The following SH3RF3 variants were observed in gnomAD, a reference collection of about 807,000 sequenced individuals.
SH3RF3 encodes E3 ubiquitin-protein ligase SH3RF3.
A neutral mutation model predicts 66.3 loss-of-function variants in SH3RF3; 29 were observed. That is an observed-to-expected ratio of 0.44 (90% CI 0.33 to 0.60). The LOEUF is 0.60. SH3RF3 is among the 20% of genes least tolerant of loss of function. The pLI is 0.04. For missense variants in SH3RF3, 1,194 were observed against 1,190.9 expected, an observed-to-expected ratio of 1.00 and a Z score of -0.04; for synonymous variants, 583 against 532.0, an observed-to-expected ratio of 1.10 and a Z score of -1.32.
intron 5 of SH3RF3, among the ~76,000 whole-genome samples, chr2:109,420,244 G>A (rs772339003): frequency 7.2e-5 from 11 of 152,190 alleles, no homozygotes; most frequent in Non-Finnish European, 1.2e-4. Context: ...ATGCTCTGAA[G>A]AATTAGACTC....
intron 1 of SH3RF3, among the ~76,000 whole-genome samples, chr2:109,287,755 T>C (rs1250514434): frequency 6.6e-6 from 1 of 152,154 alleles, no homozygotes; most frequent in Non-Finnish European, 1.5e-5. Flanking sequence ...TCTGCAGAGC[T>C]TTTTGGCCCT....
intron 6 of SH3RF3, among the ~76,000 whole-genome samples, chr2:109,434,636 G>A (rs1180665539): frequency 1.3e-5 from 2 of 152,160 alleles, no homozygotes; most frequent in East Asian, 3.9e-4. Context: ...CTTGCTATAT[G>A]AAGCCTTGCC....
At chr2:109,182,268 A>G (rs564396712) in intron 1 of SH3RF3, among the ~76,000 whole-genome samples, 76 of 152,340 alleles carry the variant, frequency 5.0e-4, no homozygotes, top group African/African-American at 1.7e-3. Flanking sequence ...GGCAGAAGGC[A>G]TCGCATGGTG....
chr2:109,419,499 C>A, intron 4 of SH3RF3, 40 bp from the exon 5 acceptor site: 1 of 1,544,250 alleles, frequency 6.5e-7, no homozygotes, highest in South Asian at 1.2e-5. Flanking sequence ...TGGATGGAGT[C>A]TCTGTCTCCT....
intron 9 of SH3RF3, among the ~76,000 whole-genome samples, chr2:109,495,477 C>CTT (rs569509984): frequency 0.022 from 2,052 of 94,098 alleles, 211 homozygotes; most frequent in Non-Finnish European, 0.025. Flanking sequence ...TCTTTCATTC[C>CTT]TTTTTTTTTT....
At chr2:109,149,018 C>T (rs1020884499) in intron 1 of SH3RF3, among the ~76,000 whole-genome samples, 1 of 152,188 alleles carries the variant, frequency 6.6e-6, no homozygotes, top group Non-Finnish European at 1.5e-5. Context: ...AACTGCAGAT[C>T]CCCCTTTCTC....
At chr2:109,390,077 G>A (rs1675942603) in intron 3 of SH3RF3, among the ~76,000 whole-genome samples, 1 of 152,176 alleles carries the variant, frequency 6.6e-6, no homozygotes, top group Non-Finnish European at 1.5e-5. Flanking sequence ...CACCCCACCG[G>A]AGGGACTCGC....
intron 8 of SH3RF3, among the ~76,000 whole-genome samples, chr2:109,483,311 T>A (rs575096729): frequency 6.6e-6 from 1 of 152,382 alleles, no homozygotes; most frequent in African/African-American, 2.4e-5. Context: ...TTCTTCTGAA[T>A]ATCTAAAGTT....
chr2:109,419,446 A>AG, intron 4 of SH3RF3, 93 bp from the exon 5 acceptor site: 1 of 1,309,664 alleles, frequency 7.6e-7, no homozygotes, highest in Non-Finnish European at 1.1e-6. Context: ...GGCGAAGCAC[A>AG]GGCACCTGTG....
In SH3RF3 at chr2:109,238,462, TG is replaced by T. The variant is rs1679700606; in HGVS notation, c.573+108350del. Among the ~76,000 whole-genome samples the T allele has an allele frequency of 2.9e-5, 3 of 104,838 alleles. No individual in the cohort carries two copies. The Admixed American group carries it at 2.9e-4, about 10-fold the overall frequency. 68.8% of individuals were successfully genotyped at this position (104,838 alleles called of 152,430 possible). A position where few individuals can be genotyped will look rare whatever the true frequency, so the allele number is the denominator to read the frequency against. ...TGTTATGTATATTTGTGTGTGTGTGTGTGTGTGTGTGTGTGTGTGTGTGTGT... is the reference window on the plus strand; with the variant it reads ...TGTTATGTATATTTGTGTGTGTGTGTTGTGTGTGTGTGTGTGTGTGTGTGT... On this transcript the variant is annotated intron_variant, in intron 1 of 9. Transcript: ENST00000309415.
At chr2:109,163,613 A>T (rs2104917799) in intron 1 of SH3RF3, among the ~76,000 whole-genome samples, 1 of 151,246 alleles carries the variant, frequency 6.6e-6, no homozygotes, top group Non-Finnish European at 1.5e-5. Context: ...TTTAGCCGGG[A>T]TGGTCTCGAT....
chr2:109,382,329 C>T (rs1443344131), intron 3 of SH3RF3, among the ~76,000 whole-genome samples: 1 of 152,160 alleles, frequency 6.6e-6, no homozygotes, highest in Non-Finnish European at 1.5e-5. Context: ...GCTGCAGGCC[C>T]AGCCCAGGGG....
At chr2:109,306,919 C>A (rs1487229204) in intron 1 of SH3RF3, among the ~76,000 whole-genome samples, 1 of 152,100 alleles carries the variant, frequency 6.6e-6, no homozygotes. Flanking sequence ...CATGCATGCC[C>A]GTGTGGATGG....
intron 1 of SH3RF3, among the ~76,000 whole-genome samples, chr2:109,137,284 ACTT>A (rs1425187888): frequency 2.0e-5 from 3 of 152,194 alleles, no homozygotes; most frequent in South Asian, 2.1e-4. Flanking sequence ...AAGGCTTTGC[ACTT>A]CTTCTTTCTG....
chr2:109,290,001 G>A (rs777632747), intron 1 of SH3RF3, among the ~76,000 whole-genome samples: 3 of 152,188 alleles, frequency 2.0e-5, no homozygotes, highest in Admixed American at 6.5e-5. Context: ...CCACTGGGGG[G>A]ACCTTGTTAA....
Position 109,465,391 on chromosome 2 carries a change from G to A in SH3RF3, c.2148+15902G>A, listed in dbSNP as rs146872807. ...GGTCGGTAAAAGTACATTTAGTTTT[G>A]TAAGAAACTGCCAACTCTCTTCCAA... On this transcript the variant is annotated intron_variant, in intron 8 of 9. Transcript: ENST00000309415. Among the ~76,000 whole-genome samples, 14 of 152,316 alleles carry A rather than the reference G, an allele frequency of 9.2e-5. 1 individual carries two copies. The East Asian group carries it at 2.7e-3, about 29-fold the overall frequency.
intron 1 of SH3RF3, among the ~76,000 whole-genome samples, chr2:109,272,538 TC>T (rs1680650899): frequency 6.6e-6 from 1 of 152,222 alleles, no homozygotes; most frequent in South Asian, 2.1e-4. Context: ...AGGGTGTGTT[TC>T]TTTTGGTGAT....
chr2:109,229,570 G>A (rs1325014871), intron 1 of SH3RF3, among the ~76,000 whole-genome samples: 1 of 152,056 alleles, frequency 6.6e-6, no homozygotes, highest in Non-Finnish European at 1.5e-5. Context: ...TGAATTGGTG[G>A]GTTTGCATTA....
chr2:109,276,596 T>A (rs1680762751), intron 1 of SH3RF3, among the ~76,000 whole-genome samples: 1 of 152,220 alleles, frequency 6.6e-6, no homozygotes, highest in Admixed American at 6.5e-5. Flanking sequence ...TGAAACTAAA[T>A]GGCATGCTTA....
Sources: gnomAD v4.1 joint callset for allele counts (sites outside exome capture counted in the v4.1 genomes callset) on GRCh38, gnomAD v4.1.1 for gene constraint, MANE v1.5 for transcripts, NCBI Gene and HGNC (gene_info 2026-07-23, HGNC 2026-07-21) for gene names.